Variants in TBC1D32 observed in about 807,000 individuals in gnomAD.
TBC1D32 encodes TBC1 domain family member 32.
TBC1D32 carries 151 observed loss-of-function variants against 170.3 expected under a neutral mutation model. The observed-to-expected ratio is 0.89, with a 90% confidence interval of 0.78 to 1.01. The LOEUF (loss-of-function observed/expected upper bound fraction) is 1.01, where lower values mean the gene tolerates loss of function less well. Ranked by LOEUF, TBC1D32 falls within the 50% of genes least tolerant of loss-of-function variation. The pLI is 0.00. For synonymous variants in TBC1D32, 498 were observed against 488.0 expected (o/e 1.02, Z -0.27); for missense variants, 1,464 against 1,457.1 (o/e 1.00, Z -0.08).
At chr6:121,269,323 G>A (rs994303516) in intron 15 of TBC1D32, among the ~76,000 whole-genome samples, 2 of 152,090 alleles carry the variant, frequency 1.3e-5, no homozygotes, top group African/African-American at 4.8e-5. Context: ...CTGGCAAATT[G>A]GATAAAGAGT....
chr6:121,150,229 T>C (rs140493560), intron 24 of TBC1D32, among the ~76,000 whole-genome samples: 101 of 152,332 alleles, frequency 6.6e-4, no homozygotes, highest in Non-Finnish European at 1.3e-3. Context: ...TGAAGGGGTG[T>C]TGCATTTTAT....
chr6:121,083,078 T>G (rs890301026), intron 31 of TBC1D32, among the ~76,000 whole-genome samples: 2 of 152,020 alleles, frequency 1.3e-5, no homozygotes, highest in East Asian at 3.9e-4. Context: ...TAACTTTTAC[T>G]TGTAATTATG....
chr6:121,143,127 A>G (rs1783006670), intron 24 of TBC1D32, among the ~76,000 whole-genome samples: 1 of 152,186 alleles, frequency 6.6e-6, no homozygotes, highest in South Asian at 2.1e-4. Flanking sequence ...CTACCTATCT[A>G]TACCCTCAGG....
chr6:121,109,631 C>G (rs1345569805), intron 29 of TBC1D32, among the ~76,000 whole-genome samples: 1 of 152,138 alleles, frequency 6.6e-6, no homozygotes, highest in Non-Finnish European at 1.5e-5. Context: ...ACTATTTCAA[C>G]ATTTACAAAG....
chr6:121,224,590 C>T (rs991116140), intron 20 of TBC1D32: 1 of 152,054 alleles, frequency 6.6e-6, no homozygotes, highest in Non-Finnish European at 1.5e-5. Context: ...CAAAAATAAT[C>T]TGTATTTTCT....
At chr6:121,264,366 A>G (rs139778753) in intron 15 of TBC1D32, among the ~76,000 whole-genome samples, 1 of 152,106 alleles carries the variant, frequency 6.6e-6, no homozygotes, top group African/African-American at 2.4e-5. Context: ...CCCTCCCAAG[A>G]AGAAGTCAAA....
chr6:121,288,550 T>A (rs1201157127), intron 12 of TBC1D32, among the ~76,000 whole-genome samples: 1 of 152,126 alleles, frequency 6.6e-6, no homozygotes, highest in Non-Finnish European at 1.5e-5. Flanking sequence ...CCAGATGGAT[T>A]CACAGCCGAA....
At chr6:121,305,839 T>C (rs1203606767) in intron 5 of TBC1D32, among the ~76,000 whole-genome samples, 12 of 152,066 alleles carry the variant, frequency 7.9e-5, no homozygotes, top group East Asian at 1.9e-4. Flanking sequence ...AAAAACTCCA[T>C]GCCTTGTTTT....
At chr6:121,308,279 A>T (rs1807631051) in intron 4 of TBC1D32, among the ~76,000 whole-genome samples, 178 bp from the exon 5 acceptor site, 1 of 148,918 alleles carries the variant, frequency 6.7e-6, no homozygotes, top group African/African-American at 2.4e-5. Flanking sequence ...CTAAGTGCTA[A>T]GCAGAGAAAA....
intron 31 of TBC1D32, among the ~76,000 whole-genome samples, chr6:121,088,579 A>G (rs989594231): frequency 6.6e-6 from 1 of 152,206 alleles, no homozygotes; most frequent in African/African-American, 2.4e-5. Flanking sequence ...AAACTATACC[A>G]GAGTTTATCT....
intron 26 of TBC1D32, among the ~76,000 whole-genome samples, chr6:121,122,584 T>C (rs1780384357): frequency 6.6e-6 from 1 of 152,030 alleles, no homozygotes; most frequent in Non-Finnish European, 1.5e-5. Flanking sequence ...GCATCATCAA[T>C]AAAACTTTAT....
In TBC1D32 at chr6:121,170,556, T is replaced by C. The variant is rs752018893; in HGVS notation, c.2571-9500A>G. Reference sequence around the variant, plus strand: ...TATAAAAAAGAAAAATAAACGTAGATTGTGTAAAATATGTCCCAAAAGCAT... The same window carrying C: ...TATAAAAAAGAAAAATAAACGTAGACTGTGTAAAATATGTCCCAAAAGCAT... On this transcript the variant is annotated intron_variant, in intron 22 of 31. Coordinates refer to ENST00000398212, the MANE Select transcript of TBC1D32 (RefSeq NM_152730.6). 16 of 1,456,756 alleles carry C rather than the reference T, an allele frequency of 1.1e-5. No homozygotes were observed. The South Asian group carries it at 2.3e-4, about 21-fold the overall frequency. 90.2% of individuals were successfully genotyped at this position (1,456,756 alleles called of 1,614,324 possible). A position where few individuals can be genotyped will look rare whatever the true frequency, so the allele number is the denominator to read the frequency against.
intron 10 of TBC1D32, among the ~76,000 whole-genome samples, chr6:121,296,369 C>T (rs1652904380): frequency 6.6e-6 from 1 of 152,108 alleles, no homozygotes; most frequent in African/African-American, 2.4e-5. Context: ...CCCTCCCCCT[C>T]CCATATCTAC....
At chr6:121,269,282 T>A (rs1583485487) in intron 15 of TBC1D32, among the ~76,000 whole-genome samples, 1 of 152,094 alleles carries the variant, frequency 6.6e-6, no homozygotes, top group East Asian at 1.9e-4. Context: ...TAAATGAAAA[T>A]GGGCTAAATG....
intron 20 of TBC1D32, among the ~76,000 whole-genome samples, chr6:121,227,233 G>C (rs1795185627): frequency 6.6e-6 from 1 of 152,154 alleles, no homozygotes; most frequent in South Asian, 2.1e-4. Context: ...AATGCATTTA[G>C]ATTCAGGGAG....
At chr6:121,112,719 G>A in intron 28 of TBC1D32, 60 bp from the exon 29 acceptor site, 3 of 1,313,692 alleles carry the variant, frequency 2.3e-6, no homozygotes, top group Non-Finnish European at 3.0e-6. Flanking sequence ...TTAAAATTCT[G>A]TAAATAAAAT....
chr6:121,214,673 T>G (rs1583248602), intron 21 of TBC1D32, among the ~76,000 whole-genome samples: 1 of 152,308 alleles, frequency 6.6e-6, no homozygotes, highest in East Asian at 1.9e-4. Context: ...AAGGATCTCC[T>G]AGATCTGGGC....
At chr6:121,192,403 C>T (rs1198037307) in intron 22 of TBC1D32, 2 of 152,080 alleles carry the variant, frequency 1.3e-5, no homozygotes, top group Non-Finnish European at 2.9e-5. Flanking sequence ...AACCAAGGAA[C>T]ATAATGAAGT....
At chr6:121,323,499 C>T (rs1810035489) in intron 1 of TBC1D32, among the ~76,000 whole-genome samples, 1 of 152,110 alleles carries the variant, frequency 6.6e-6, no homozygotes, top group Non-Finnish European at 1.5e-5. Flanking sequence ...AATTGGCTGC[C>T]TATTATCTTT....
Sources: allele counts gnomAD v4.1 joint callset (sites outside exome capture counted in the v4.1 genomes callset), GRCh38; gene constraint gnomAD v4.1.1; transcripts MANE v1.5; gene names NCBI Gene and HGNC (gene_info 2026-07-23, HGNC 2026-07-21).